CA3: variants seen among roughly 807,000 people sequenced by gnomAD.
The protein encoded by CA3 is carbonic anhydrase 3, also known as CA-III.
Under a neutral mutation model 35.7 loss-of-function variants are expected in CA3, and 30 were observed. That is an observed-to-expected ratio of 0.84 (90% CI 0.63 to 1.14). CA3 has a LOEUF of 1.14. Ranked by LOEUF, CA3 falls within the 50% of genes most tolerant of loss-of-function variation. CA3 has a pLI of 0.00. For synonymous variants in CA3, 131 were observed against 130.8 expected (o/e 1.00, Z -0.01); for missense variants, 295 against 328.5 (o/e 0.90, Z 0.79).
intron 4 of CA3, 142 bp from the exon 5 acceptor site, chr8:85,445,014 A>G: frequency 1.9e-6 from 1 of 536,628 alleles, no homozygotes. Flanking sequence ...GGAAAAATAA[A>G]CTTATGTTTT....
At chr8:85,440,077 T>G (rs961166502) in intron 2 of CA3, among the ~76,000 whole-genome samples, 168 bp downstream of exon 2, 5 of 152,192 alleles carry the variant, frequency 3.3e-5, no homozygotes, top group African/African-American at 1.2e-4. Flanking sequence ...TATTTATGTA[T>G]TGAAGAGGAA....
chr8:85,439,830 T>C lies in CA3; in HGVS notation c.153T>C (p.Tyr51=), dbSNP rs141354884. ...DPSLQPWSVS[Y]DGGSAKTILN... ...CTCTGCAGCCATGGTCTGTGTCTTA[T>C]GATGGTGGCTCTGCCAAGACCATCC... Residue 51 remains tyrosine, a synonymous_variant, in exon 2 of 7, where the codon TAT becomes TAC. Transcript: ENST00000285381. The C allele has an allele frequency of 1.3e-4, 203 of 1,614,014 alleles. No individual in the cohort carries two copies. The highest frequency in any genetic ancestry group is 6.7e-5 in the African/African-American group (5 of 74,942).
At chr8:85,441,784 C>T in intron 2 of CA3, 1 of 363,754 alleles carries the variant, frequency 2.7e-6, no homozygotes, top group East Asian at 6.1e-5. Context: ...TATGCATCCT[C>T]ATTGTCTATC....
At chr8:85,441,199 C>G in intron 2 of CA3, among the ~76,000 whole-genome samples, 1 of 152,132 alleles carries the variant, frequency 6.6e-6, no homozygotes, top group East Asian at 1.9e-4. Context: ...GCTCTGAATT[C>G]TATTTTGATC....
In CA3 at chr8:85,444,018, T is replaced by C; in HGVS notation, c.352-16T>C. ...TTCCAGGAATTTACCTTCTAATCTG[T>C]CTTCTATGGTTTCAGCTTCATTTGG... is the stretch of plus-strand genomic sequence containing the variant. On this transcript the variant is annotated splice_polypyrimidine_tract_variant and intron_variant, in intron 3 of 6. Coordinates refer to ENST00000285381, the MANE Select transcript of CA3 (RefSeq NM_005181.4). 1.3e-6 allele frequency: 2 copies of C among 1,546,988 alleles called. No individual in the cohort carries two copies. The highest frequency in any genetic ancestry group is 1.7e-5 in the Admixed American group (1 of 59,916).
rs574700057 is a variant in CA3, at chr8:85,438,959, C to A, written c.34+16C>A. On this transcript the variant is annotated intron_variant, in intron 1 of 6. Coordinates refer to ENST00000285381, the MANE Select transcript of CA3 (RefSeq NM_005181.4). ...AGTCACAACGGTGAGTGCAGGCAGC[C>A]GCGACCCGGCCAGGAAGGGATGCCA... The A allele has an allele frequency of 6.4e-7, 1 of 1,550,918 alleles. No individual in the cohort carries two copies. The highest frequency in any genetic ancestry group is 2.4e-5 in the East Asian group (1 of 40,910).
Position 85,439,753 on chromosome 8 carries a change from G to C in CA3, c.76G>C (p.Glu26Gln), listed in dbSNP as rs1272608498. 1.2e-6 allele frequency: 2 copies of C among 1,613,942 alleles called. No homozygotes were observed. The highest frequency in any genetic ancestry group is 1.7e-6 in the Non-Finnish European group (2 of 1,179,918). ...WHELFPNAKG[E>Q]NQSPVELHTK... is the part of the protein sequence containing the mutation. ...TGAACTTTTCCCAAATGCCAAGGGG[G>C]AAAACCAGTCGCCCGTTGAGCTGCA... The change falls in exon 2 of 7, where the codon GAA (glutamate) becomes CAA (glutamine). Residue 26 changes from glutamate (E) to glutamine (Q), a missense_variant. Coordinates refer to ENST00000285381, the MANE Select transcript of CA3 (RefSeq NM_005181.4).
Position 85,442,078 on chromosome 8 carries a change from A to AGAGG in CA3, c.240_243dup (p.Gly82ArgfsTer22). 6.8e-7 allele frequency: 1 copy of AGAGG among 1,467,362 alleles called. No homozygotes were observed. Among genetic ancestry groups the AGAGG allele is most frequent in the South Asian group, 1.1e-5 (1 of 88,102 alleles). 90.9% of individuals were successfully genotyped at this position (1,467,362 alleles called of 1,614,324 possible). A position where few individuals can be genotyped will look rare whatever the true frequency, so the allele number is the denominator to read the frequency against. On this transcript the variant is annotated frameshift_variant, in exon 3 of 7. Transcript: ENST00000285381. LOFTEE classifies it high-confidence loss of function. ...CAAGCTTATCTGAATCACAGTGCTG[A>AGAGG]GAGGGGGTCCTCTCCCTGGACCCTA...
At chr8:85,444,278 CA>C (rs1811247696) in intron 4 of CA3, 152 bp downstream of exon 4, 3 of 623,738 alleles carry the variant, frequency 4.8e-6, no homozygotes, top group Admixed American at 2.7e-5. Flanking sequence ...CTGCAAAGAT[CA>C]GCTCAAAATG....
chr8:85,443,887 T>TA (rs1466345414), intron 3 of CA3, 147 bp from the exon 4 acceptor site: 1 of 633,800 alleles, frequency 1.6e-6, no homozygotes, highest in African/African-American at 1.9e-5. Context: ...ACCAAAATGT[T>TA]ACATGCTACT....
intron 6 of CA3, 94 bp from the exon 7 acceptor site, chr8:85,447,939 CA>C (rs1291282482): frequency 3.3e-4 from 391 of 1,191,812 alleles, no homozygotes; most frequent in South Asian, 7.2e-4. Flanking sequence ...AAACCAACAA[CA>C]AAAAAAACCC....
At position 85,445,174 on chromosome 8, in the gene CA3, G is replaced by A. The variant is rs147777068; in HGVS notation, c.463G>A (p.Glu155Lys). ...CTTACAGATAGGACATGAGAATGGCGAGTTCCAGATTTTCCTTGATGCATT... is the reference window on the plus strand; with the variant it reads ...CTTACAGATAGGACATGAGAATGGCAAGTTCCAGATTTTCCTTGATGCATT... ...IFLKIGHENG[E>K]FQIFLDALDK... Residue 155 changes from glutamate to lysine, a missense_variant, in exon 5 of 7, where the codon GAG becomes AAG. Glu to Lys is a moderately conservative substitution (Grantham distance 56). Transcript: ENST00000285381. The A allele has an allele frequency of 6.2e-6, 10 of 1,607,420 alleles. No individual in the cohort carries two copies. The highest frequency in any genetic ancestry group is 5.1e-5 in the Admixed American group (3 of 59,334).
In CA3 at chr8:85,448,078, C is replaced by T. The variant is rs778173045; in HGVS notation, c.708C>T (p.Pro236=). Residue 236 remains proline, a synonymous_variant, in exon 7 of 7, where the codon CCC becomes CCT. Transcript: ENST00000285381. ...TCCTCTCCAGTGCTGAGAACGAGCC[C>T]CCAGTGCCTCTTGTGAGCAACTGGC... ...RSLLSSAENE[P]PVPLVSNWRP... is the part of the protein sequence containing the mutation. 4 of 1,613,604 alleles carry T rather than the reference C, an allele frequency of 2.5e-6. No individual in the cohort carries two copies. The highest frequency in any genetic ancestry group is 3.4e-6 in the Non-Finnish European group (4 of 1,179,732).
intron 6 of CA3, among the ~76,000 whole-genome samples, chr8:85,447,783 C>T (rs184905514): frequency 1.3e-5 from 2 of 152,136 alleles, no homozygotes; most frequent in African/African-American, 4.8e-5. Flanking sequence ...CCTGTAATCC[C>T]AGCTATTCGG....
At chr8:85,442,365 C>A in intron 3 of CA3, 174 bp downstream of exon 3, 1 of 585,850 alleles carries the variant, frequency 1.7e-6, no homozygotes, top group East Asian at 2.9e-5. Context: ...CTAGGCTAGA[C>A]AGGTAAAAGG....
intron 4 of CA3, among the ~76,000 whole-genome samples, chr8:85,444,365 G>A (rs1404919169): frequency 2.8e-5 from 4 of 143,956 alleles, no homozygotes; most frequent in African/African-American, 9.8e-5. Flanking sequence ...CCCAGATGTG[G>A]GAGGTGTGTG....
chr8:85,444,094 G>A lies in CA3; in HGVS notation c.412G>A (p.Asp138Asn), dbSNP rs557237110. 36 of 1,613,354 alleles carry A rather than the reference G, an allele frequency of 2.2e-5. No individual in the cohort carries two copies. Among genetic ancestry groups the A allele is most frequent in the African/African-American group, 5.3e-5 (4 of 74,926 alleles). ...TTTTAAAGAAGCCCTGAAGCAGCGC[G>A]ATGGGATCGCTGTGATTGGCATTTT... ...NTFKEALKQR[D>N]GIAVIGIFLK... The change falls in exon 4 of 7, where the codon GAT becomes AAT. Residue 138 changes from aspartate to asparagine, a missense_variant. Coordinates refer to ENST00000285381, the MANE Select transcript of CA3 (RefSeq NM_005181.4).
intron 1 of CA3, 111 bp from the exon 2 acceptor site, chr8:85,439,601 C>G: frequency 1.4e-6 from 1 of 703,766 alleles, no homozygotes; most frequent in Non-Finnish European, 2.4e-6. Context: ...AAACCTAAGA[C>G]CTTTTTGAAA....
chr8:85,448,056 T>G lies in CA3; in HGVS notation c.686T>G (p.Leu229Arg), dbSNP rs1337859497. The change falls in exon 7 of 7, where the codon CTC becomes CGC. Residue 229 changes from leucine (L) to arginine (R), a missense_variant. Physicochemically the swap from Leu to Arg is moderately radical, Grantham distance 102. Transcript: ENST00000285381. ...SDQMAKLRSL[L>R]SSAENEPPVP... ...CAGATGGCCAAGCTGCGGAGCCTCC[T>G]CTCCAGTGCTGAGAACGAGCCCCCA... is the stretch of plus-strand genomic sequence containing the variant. The G allele has an allele frequency of 2.5e-6, 4 of 1,612,318 alleles. No homozygotes were observed. Among genetic ancestry groups the G allele is most frequent in the Admixed American group, 3.3e-5 (2 of 59,770 alleles).
Sources: gnomAD v4.1 joint callset for allele counts (sites outside exome capture counted in the v4.1 genomes callset) on GRCh38, gnomAD v4.1.1 for gene constraint, MANE v1.5 for transcripts, NCBI Gene and HGNC (gene_info 2026-07-23, HGNC 2026-07-21) for gene names.